NAV2: variants seen among roughly 807,000 people sequenced by gnomAD.
NAV2 encodes the protein neuron navigator 2, also known as helicase, APC down-regulated 1.
Under a neutral mutation model 223.2 loss-of-function variants are expected in NAV2, and 54 were observed. The observed-to-expected ratio is 0.24, with a 90% CI of 0.19 to 0.30. The LOEUF is 0.30. Among genes scored for constraint, NAV2 ranks in the 10% least tolerant of loss-of-function variants. The pLI is 1.00. For synonymous variants in NAV2, 1,279 were observed against 1,239.3 expected (o/e 1.03, Z -0.67); for missense variants, 2,806 against 3,147.5 (o/e 0.89, Z 2.60).
intron 1 of NAV2, among the ~76,000 whole-genome samples, chr11:19,615,473 A>T (rs2046764719): frequency 6.6e-6 from 1 of 151,986 alleles, no homozygotes; most frequent in Non-Finnish European, 1.5e-5. Context: ...TGCGTTTATT[A>T]TTGTTACTAA....
At chr11:19,396,523 C>A (rs553213351) in intron 1 of NAV2, among the ~76,000 whole-genome samples, 1 of 152,140 alleles carries the variant, frequency 6.6e-6, no homozygotes. Flanking sequence ...TCCCCTATGG[C>A]GGCCACACTA....
chr11:19,465,120 G>A (rs1312418079), intron 1 of NAV2, among the ~76,000 whole-genome samples: 4 of 152,146 alleles, frequency 2.6e-5, no homozygotes, highest in Admixed American at 2.6e-4. Flanking sequence ...TTAAAATGGA[G>A]CTATTTTACA....
chr11:19,356,968 C>T (rs1564873084), intron 1 of NAV2, among the ~76,000 whole-genome samples: 1 of 152,184 alleles, frequency 6.6e-6, no homozygotes, highest in Non-Finnish European at 1.5e-5. Flanking sequence ...TCATAGGTGG[C>T]CATTCTCCAT....
In NAV2 at chr11:19,777,246, C is replaced by T. The variant is rs567186501; in HGVS notation, c.268-55238C>T. ...AGGGAGGCACGAGAGCTGGGCAGCG[C>T]GGGCGCCGGTCTCCAGGGTAGGGTC... On this transcript the variant is annotated intron_variant, in intron 1 of 37. Coordinates refer to ENST00000349880, the MANE Select transcript of NAV2 (RefSeq NM_145117.5). Among the ~76,000 whole-genome samples the T allele has an allele frequency of 4.0e-5, 6 of 151,576 alleles. No homozygotes were observed. In the East Asian group the frequency reaches 1.2e-3, roughly 30 times the overall value.
At chr11:19,639,867 G>A (rs2047612742) in intron 1 of NAV2, among the ~76,000 whole-genome samples, 1 of 152,318 alleles carries the variant, frequency 6.6e-6, no homozygotes, top group South Asian at 2.1e-4. Context: ...TACCCCCCTA[G>A]AAACTGGTAG....
intron 12 of NAV2, among the ~76,000 whole-genome samples, chr11:20,039,784 A>G (rs900974860): frequency 8.5e-5 from 13 of 152,246 alleles, no homozygotes; most frequent in African/African-American, 2.7e-4. Context: ...GTTTAATAAC[A>G]TATGCGGAGG....
At chr11:20,067,331 G>A (rs1352247978) in intron 20 of NAV2, among the ~76,000 whole-genome samples, 1 of 152,176 alleles carries the variant, frequency 6.6e-6, no homozygotes, top group Non-Finnish European at 1.5e-5. Flanking sequence ...AGAAAATGGG[G>A]CAGAATTAAC....
Position 19,842,938 on chromosome 11 carries a change from G to A in NAV2, c.438+15G>A. ...GATCCCAAATGGTAAGTGGTGCATA[G>A]GTAGTAAATGTTTGAGTTCTGTCAG... On this transcript the variant is annotated intron_variant, in intron 3 of 37. Coordinates refer to ENST00000349880, the MANE Select transcript of NAV2 (RefSeq NM_145117.5). 2.5e-6 allele frequency: 4 copies of A among 1,612,040 alleles called. No individual in the cohort carries two copies. The highest frequency in any genetic ancestry group is 3.4e-6 in the Non-Finnish European group (4 of 1,178,378).
intron 11 of NAV2, among the ~76,000 whole-genome samples, chr11:20,020,595 T>C (rs1298122955): frequency 6.6e-6 from 1 of 152,238 alleles, no homozygotes; most frequent in Admixed American, 6.5e-5. Context: ...AAAGGTGTGA[T>C]TCTTTTAACC....
At chr11:19,645,251 G>A (rs1388521217) in intron 1 of NAV2, among the ~76,000 whole-genome samples, 1 of 152,146 alleles carries the variant, frequency 6.6e-6, no homozygotes. Context: ...GCAAAGGCCA[G>A]TTTGAGCCTC....
At chr11:19,628,238 C>T (rs1051170826) in intron 1 of NAV2, among the ~76,000 whole-genome samples, 87 of 152,124 alleles carry the variant, frequency 5.7e-4, no homozygotes, top group African/African-American at 2.0e-3. Context: ...AGCCAGTGGA[C>T]ATTATGTTCC....
chr11:19,487,550 C>T (rs2042484415), intron 1 of NAV2, among the ~76,000 whole-genome samples: 1 of 152,182 alleles, frequency 6.6e-6, no homozygotes, highest in Non-Finnish European at 1.5e-5. Context: ...CTGCGGAACT[C>T]TTTCTATAGC....
intron 1 of NAV2, among the ~76,000 whole-genome samples, chr11:19,759,718 A>C (rs1337026241): frequency 6.6e-6 from 1 of 152,154 alleles, no homozygotes; most frequent in East Asian, 1.9e-4. Context: ...CCTGTTTGTA[A>C]AATATAAATA....
At chr11:19,910,452 A>G (rs1416997413) in intron 6 of NAV2, among the ~76,000 whole-genome samples, 1 of 152,232 alleles carries the variant, frequency 6.6e-6, no homozygotes, top group Non-Finnish European at 1.5e-5. Context: ...AGGAGAGTTC[A>G]TATAGAATTG....
At chr11:20,071,681 T>C (rs4341513) in intron 22 of NAV2, among the ~76,000 whole-genome samples, 82,801 of 152,004 alleles carry the variant, frequency 0.54, 23,366 homozygotes, top group East Asian at 0.92. Flanking sequence ...GGTATCTCAT[T>C]GTGGTTTTGA....
intron 1 of NAV2, among the ~76,000 whole-genome samples, chr11:19,490,765 A>T (rs956647868): frequency 6.6e-6 from 1 of 152,198 alleles, no homozygotes; most frequent in Non-Finnish European, 1.5e-5. Context: ...AATGGCATCT[A>T]GAATAGTGAA....
rs1485667391 is a variant in NAV2 at position 20,049,171 on chromosome 11, G to A, written c.4346G>A (p.Ser1449Asn). The change falls in exon 15 of 38, where the codon AGT becomes AAT. Residue 1449 changes from serine to asparagine, a missense_variant. Ser to Asn is a conservative substitution (Grantham distance 46, BLOSUM62 1). Coordinates refer to ENST00000349880, the MANE Select transcript of NAV2 (RefSeq NM_145117.5). The stretch of plus-strand genomic sequence containing the variant: ...TTGACTCCCTTTGTCAGAACTAACA[G>A]TGTGAAGACCACACTGTCAGAAAGG... ...DSLTPFVRTN[S>N]VKTTLSESPL... 1 of 1,605,940 alleles carries A rather than the reference G, an allele frequency of 6.2e-7. No individual in the cohort carries two copies. Among genetic ancestry groups the A allele is most frequent in the Non-Finnish European group, 8.5e-7 (1 of 1,175,700 alleles).
rs2263936 is a variant in NAV2 at position 20,105,181 on chromosome 11, A to T, written c.6645-350A>T. ...GGGCCTGACATCAAGCACAAGAGGC[A>T]GTTTGTCTCAGTGGTTAGAGCCTAG... On this transcript the variant is annotated intron_variant, in intron 34 of 37. Coordinates refer to ENST00000349880, the MANE Select transcript of NAV2 (RefSeq NM_145117.5). The T allele has an allele frequency of 3.9e-3, 724 of 183,608 alleles. 4 individuals are homozygous for T. The highest frequency in any genetic ancestry group is 0.016 in the African/African-American group (676 of 42,542). 11.4% of individuals were successfully genotyped at this position (183,608 alleles called of 1,614,324 possible).
chr11:19,541,317 T>C (rs1335466793), intron 1 of NAV2, among the ~76,000 whole-genome samples: 2 of 152,214 alleles, frequency 1.3e-5, no homozygotes, highest in Non-Finnish European at 2.9e-5. Context: ...GTGACCTGCT[T>C]TCCCATGGCA....
Sources: gnomAD v4.1 joint callset for allele counts (sites outside exome capture counted in the v4.1 genomes callset) on GRCh38, gnomAD v4.1.1 for gene constraint, MANE v1.5 for transcripts, NCBI Gene and HGNC (gene_info 2026-07-23, HGNC 2026-07-21) for gene names.